NAE1: variants seen among roughly 807,000 people sequenced by gnomAD.
The protein encoded by NAE1 is NEDD8 activating enzyme E1 subunit 1.
Under a neutral mutation model 88.0 loss-of-function variants are expected in NAE1, and 59 were observed. That is an observed-to-expected ratio of 0.67 (90% CI 0.54 to 0.83). The LOEUF is 0.83. Ranked by LOEUF, NAE1 falls within the 40% of genes least tolerant of loss-of-function variation. NAE1 has a pLI of 0.00. For missense variants in NAE1, 554 were observed against 632.8 expected (o/e 0.88, Z 1.34); for synonymous variants, 186 against 208.9 (o/e 0.89, Z 0.95).
chr16:66,818,375 T>C (rs908148811), intron 8 of NAE1, among the ~76,000 whole-genome samples, 153 bp downstream of exon 8: 2 of 152,190 alleles, frequency 1.3e-5, no homozygotes, highest in African/African-American at 4.8e-5. Context: ...AATTAATATG[T>C]TGAAAACAAG....
chr16:66,821,387 G>A (rs1960251499), intron 7 of NAE1, 63 bp downstream of exon 7: 3 of 1,412,588 alleles, frequency 2.1e-6, no homozygotes, highest in Non-Finnish European at 2.8e-6. Context: ...TTTCTAAATT[G>A]TCAAGTTTCT....
chr16:66,809,067 A>T lies in NAE1; in HGVS notation c.1159T>A (p.Ser387Thr). 1 of 1,611,276 alleles carries T rather than the reference A, an allele frequency of 6.2e-7. No homozygotes were observed. ...EKELKLLCSN[S>T]AFLRVVRCRS... ...CATCTTACCACTCGAAGAAATGCAG[A>T]ATTGCTGCCTGAACAGAGGAAAGAT... The change falls in exon 16 of 20, where the codon TCT (serine) becomes ACT (threonine). Residue 387 changes from serine (S) to threonine (T), a missense_variant. Coordinates refer to ENST00000290810, the MANE Select transcript of NAE1 (RefSeq NM_003905.4).
chr16:66,811,977 C>T (rs887198294), intron 13 of NAE1, among the ~76,000 whole-genome samples: 2 of 152,146 alleles, frequency 1.3e-5, no homozygotes, highest in African/African-American at 4.8e-5. Context: ...TTCTTTGCAC[C>T]ATGCCCTAAC....
chr16:66,810,351 G>C, intron 15 of NAE1, 23 bp downstream of exon 15: 2 of 1,566,010 alleles, frequency 1.3e-6, no homozygotes, highest in Non-Finnish European at 8.8e-7. Flanking sequence ...GCAAAATAAG[G>C]AAATTAATTC....
At chr16:66,830,250 G>A (rs1043793979) in intron 1 of NAE1, among the ~76,000 whole-genome samples, 5 of 152,004 alleles carry the variant, frequency 3.3e-5, no homozygotes, top group Admixed American at 2.6e-4. Context: ...CAAAAACCTC[G>A]TTTCTACAAA....
At chr16:66,806,235 ATCTT>A (rs981075101) in intron 17 of NAE1, 3 of 451,532 alleles carry the variant, frequency 6.6e-6, no homozygotes, top group African/African-American at 6.1e-5. Context: ...ATTTAATTAA[ATCTT>A]TATTAATTGC....
chr16:66,829,135 A>C (rs1960592688), intron 1 of NAE1, among the ~76,000 whole-genome samples: 1 of 152,216 alleles, frequency 6.6e-6, no homozygotes, highest in African/African-American at 2.4e-5. Flanking sequence ...TTTGCTTCTA[A>C]CTGCTTCCCT....
intron 13 of NAE1, among the ~76,000 whole-genome samples, chr16:66,812,771 G>T (rs1321732234): frequency 3.3e-5 from 5 of 151,040 alleles, no homozygotes; most frequent in Non-Finnish European, 7.4e-5. Flanking sequence ...CACCCGTCTC[G>T]GCCTCCCGAA....
intron 11 of NAE1, among the ~76,000 whole-genome samples, chr16:66,815,243 A>T (rs547523927): frequency 1.3e-5 from 2 of 152,228 alleles, no homozygotes; most frequent in South Asian, 4.1e-4. Flanking sequence ...AGTGAAATAC[A>T]GAGATTTCAA....
At chr16:66,811,615 C>T (rs769062528) in intron 13 of NAE1, among the ~76,000 whole-genome samples, 16 of 152,166 alleles carry the variant, frequency 1.1e-4, no homozygotes, top group Non-Finnish European at 2.1e-4. Context: ...TTTAAAACAA[C>T]TGTGAACATC....
At chr16:66,829,891 TG>T in intron 1 of NAE1, among the ~76,000 whole-genome samples, 1 of 152,080 alleles carries the variant, frequency 6.6e-6, no homozygotes. Flanking sequence ...ACGATAGTTT[TG>T]GGGGGGCTTT....
intron 3 of NAE1, 57 bp from the exon 4 acceptor site, chr16:66,824,942 G>C: frequency 1.3e-6 from 2 of 1,498,790 alleles, no homozygotes; most frequent in South Asian, 2.4e-5. Context: ...TAAAGGAAAA[G>C]TTGTTTGTAA....
intron 1 of NAE1, among the ~76,000 whole-genome samples, chr16:66,830,289 T>G (rs1960641664): frequency 6.6e-6 from 1 of 152,226 alleles, no homozygotes; most frequent in Non-Finnish European, 1.5e-5. Flanking sequence ...AATAAAAATT[T>G]AAGTAAAATA....
rs558989129 is a variant in NAE1, at chr16:66,804,837, CA to C, written c.1495+939del. 5.3e-5 allele frequency among the ~76,000 whole-genome samples: 8 copies of C among 151,712 alleles called. No individual in the cohort carries two copies. The South Asian group carries it at 1.7e-3, about 32-fold the overall frequency. ...TTTTTTTTTTCACCATGTGAGAACA[CA>C]GAAGAGAGAGCTGCCTATGAACCAG... On this transcript the variant is annotated intron_variant, in intron 19 of 19. Coordinates refer to ENST00000290810, the MANE Select transcript of NAE1 (RefSeq NM_003905.4).
At chr16:66,813,731 C>A (rs139606595) in intron 12 of NAE1, 34 bp from the exon 13 acceptor site, 2 of 1,609,844 alleles carry the variant, frequency 1.2e-6, no homozygotes, top group Non-Finnish European at 1.7e-6. Flanking sequence ...CATTAAGTGG[C>A]GTTTTACTTT....
intron 3 of NAE1, 59 bp downstream of exon 3, chr16:66,826,464 G>C (rs1960468431): frequency 3.3e-6 from 5 of 1,528,616 alleles, no homozygotes; most frequent in Non-Finnish European, 3.6e-6. Context: ...AGGAGGTGAA[G>C]CTAAGACTCA....
intron 9 of NAE1, 44 bp from the exon 10 acceptor site, chr16:66,817,072 A>G: frequency 6.4e-7 from 1 of 1,560,322 alleles, no homozygotes; most frequent in Non-Finnish European, 8.6e-7. Flanking sequence ...TTAAAATTCA[A>G]AATACAGAAA....
chr16:66,830,342 G>A (rs891057798), intron 1 of NAE1, among the ~76,000 whole-genome samples: 2 of 152,212 alleles, frequency 1.3e-5, no homozygotes, highest in Non-Finnish European at 2.9e-5. Context: ...TAATGTTTTG[G>A]ACATATTGGG....
intron 11 of NAE1, 21 bp downstream of exon 11, chr16:66,816,560 C>CCTCAG (rs1960051543): frequency 6.6e-7 from 1 of 1,511,034 alleles, no homozygotes; most frequent in African/African-American, 1.4e-5. Context: ...CATGTGAATC[C>CCTCAG]CTCAGCAACT....
Sources: gnomAD v4.1 joint callset for allele counts (sites outside exome capture counted in the v4.1 genomes callset) on GRCh38, gnomAD v4.1.1 for gene constraint, MANE v1.5 for transcripts, NCBI Gene and HGNC (gene_info 2026-07-23, HGNC 2026-07-21) for gene names.